Variants in WDR44 observed in about 807,000 individuals in gnomAD.
WDR44 encodes WD repeat-containing protein 44.
Under a neutral mutation model 65.7 loss-of-function variants are expected in WDR44, and 9 were observed. The ratio of observed to expected loss-of-function variants is 0.14; its 90% CI spans 0.08 to 0.24. WDR44 has a LOEUF of 0.24. Ranked by LOEUF, WDR44 falls within the 10% of genes least tolerant of loss-of-function variation. The pLI, the probability that WDR44 is intolerant of heterozygous loss-of-function variation, is 1.00. For missense variants in WDR44, 425 were observed against 670.9 expected, an observed-to-expected ratio of 0.63 and a Z score of 4.05; for synonymous variants, 220 against 235.2, an observed-to-expected ratio of 0.94 and a Z score of 0.59.
In WDR44 at chrX:118,389,213, T is replaced by A. The variant is rs2056796988; in HGVS notation, c.186+1799T>A. Among the ~76,000 whole-genome samples, 4 of 112,272 alleles carry A rather than the reference T, an allele frequency of 3.6e-5. No individual in the cohort carries two copies. In the South Asian group the frequency reaches 1.1e-3, roughly 31 times the overall value. ...ACTAATGATAAAGGCTATGGGGATA[T>A]ACCCTGGACGAGGGCATACTCTGCT... On this transcript the variant is annotated intron_variant, in intron 3 of 19. Coordinates refer to ENST00000254029, the MANE Select transcript of WDR44 (RefSeq NM_019045.5).
At chrX:118,401,735 A>C (rs2056917779) in intron 8 of WDR44, among the ~76,000 whole-genome samples, 3 of 91,419 alleles carry the variant, frequency 3.3e-5, no homozygotes, top group African/African-American at 1.4e-4. Context: ...TTAGACATGA[A>C]GTCCTTGCCC....
At chrX:118,439,495 G>A (rs957307115) in intron 14 of WDR44, among the ~76,000 whole-genome samples, 3 of 110,210 alleles carry the variant, frequency 2.7e-5, no homozygotes, top group Non-Finnish European at 5.7e-5. Flanking sequence ...AGAATTGCTT[G>A]AGCCAAGGAG....
At chrX:118,426,470 G>A (rs1238074010) in intron 12 of WDR44, among the ~76,000 whole-genome samples, 4 of 111,535 alleles carry the variant, frequency 3.6e-5, no homozygotes, top group African/African-American at 1.3e-4. Flanking sequence ...AAGAGGCCAA[G>A]GTGGGAGGAT....
chrX:118,447,172 C>CT, intron 19 of WDR44: 1 of 254,633 alleles, frequency 3.9e-6, no homozygotes. Context: ...CATACCTGGC[C>CT]TTTTTTTCTT....
chrX:118,426,223 A>C (rs1322581526), intron 12 of WDR44, among the ~76,000 whole-genome samples: 6 of 111,904 alleles, frequency 5.4e-5, no homozygotes, highest in African/African-American at 1.6e-4. Flanking sequence ...CTACTGATAA[A>C]ATTATTAGTG....
At chrX:118,421,404 T>A (rs555348088) in intron 12 of WDR44, among the ~76,000 whole-genome samples, 34 of 111,719 alleles carry the variant, frequency 3.0e-4, no homozygotes, top group African/African-American at 1.0e-3. Context: ...AAGAGATCAT[T>A]TGGGGTTTGT....
chrX:118,427,390 C>A (rs1451982063), intron 12 of WDR44, among the ~76,000 whole-genome samples: 1 of 108,644 alleles, frequency 9.2e-6, no homozygotes, highest in Non-Finnish European at 1.9e-5. Context: ...CCTGCCTCAG[C>A]CTCCCGAGTA....
chrX:118,364,297 C>T (rs960164231), intron 1 of WDR44, among the ~76,000 whole-genome samples: 16 of 111,720 alleles, frequency 1.4e-4, no homozygotes, highest in Admixed American at 1.1e-3. Flanking sequence ...TGTTTTAAAG[C>T]ACTTCTAGCT....
intron 1 of WDR44, among the ~76,000 whole-genome samples, chrX:118,353,590 T>A (rs1314733591): frequency 8.9e-6 from 1 of 112,213 alleles, no homozygotes; most frequent in Non-Finnish European, 1.9e-5. Context: ...ACATATATAA[T>A]TTAACAAAAA....
At chrX:118,438,174 C>T (rs1253507805) in intron 14 of WDR44, among the ~76,000 whole-genome samples, 1 of 111,264 alleles carries the variant, frequency 9.0e-6, no homozygotes, top group Non-Finnish European at 1.9e-5. Flanking sequence ...TGAGACCCCA[C>T]CTTTATCACA....
Position 118,436,757 on chromosome X carries a change from C to T in WDR44, c.1907C>T (p.Ser636Phe). ...AAAACAGTCAGATTATGGCACATTT[C>T]TCGAAGAGAATGCCTTTGCTGTTTT... ...MDKTVRLWHISRRECLCCFQH... is the reference protein window; with the variant it reads ...MDKTVRLWHIFRRECLCCFQH... The change falls in exon 14 of 20, where the codon TCT (serine) becomes TTT (phenylalanine). Residue 636 changes from serine (S) to phenylalanine (F), a missense_variant. By Grantham distance (155) the Ser-to-Phe change is radical (BLOSUM62 -2). Transcript: ENST00000254029. The T allele has an allele frequency of 8.3e-7, 1 of 1,198,840 alleles. No homozygotes were observed. The highest frequency in any genetic ancestry group is 1.1e-6 in the Non-Finnish European group (1 of 886,902).
Position 118,428,772 on chromosome X carries a change from A to G in WDR44, c.1738-4009A>G, listed in dbSNP as rs190658962. Among the ~76,000 whole-genome samples, 24 of 112,308 alleles carry G rather than the reference A, an allele frequency of 2.1e-4. 1 individual carries two copies. Among genetic ancestry groups the G allele is most frequent in the African/African-American group, 7.4e-4 (23 of 30,924 alleles). On this transcript the variant is annotated intron_variant, in intron 12 of 19. Coordinates refer to ENST00000254029, the MANE Select transcript of WDR44 (RefSeq NM_019045.5). ...GCAGGCATATGTTCATTGCAGCACTATTCCATATAGCAAAGACATTGAATC... is the reference window on the plus strand; with the variant it reads ...GCAGGCATATGTTCATTGCAGCACTGTTCCATATAGCAAAGACATTGAATC...
intron 12 of WDR44, among the ~76,000 whole-genome samples, chrX:118,427,643 A>T (rs1185522960): frequency 2.8e-5 from 3 of 107,181 alleles, no homozygotes; most frequent in African/African-American, 1.0e-4. Flanking sequence ...GTCTCAGTAC[A>T]TCCTCTCCAC....
chrX:118,449,581 A>G lies in WDR44; in HGVS notation c.*594A>G, dbSNP rs1378502643. On this transcript the variant is annotated 3_prime_UTR_variant, in exon 20 of 20. Transcript: ENST00000254029. Reference sequence around the variant, plus strand: ...TTGTGGGCTTAAGATTCTTTTCTTTATATGTGTACATATAATTTTTTTTTC... The same window carrying G: ...TTGTGGGCTTAAGATTCTTTTCTTTGTATGTGTACATATAATTTTTTTTTC... The G allele has an allele frequency of 1.8e-5, 2 of 110,942 alleles. No individual in the cohort carries two copies. The highest frequency in any genetic ancestry group is 5.6e-4 in the East Asian group (2 of 3,549). The allele number at this position is 110,942 out of a possible 1,213,427, so 9.1% of individuals were successfully genotyped here.
chrX:118,367,403 T>A (rs2056564185), intron 1 of WDR44, among the ~76,000 whole-genome samples: 1 of 111,569 alleles, frequency 9.0e-6, no homozygotes, highest in Admixed American at 9.6e-5. Flanking sequence ...CAGATTGATG[T>A]CATGTTGTCC....
intron 3 of WDR44, among the ~76,000 whole-genome samples, chrX:118,389,377 C>T (rs2056798475): frequency 9.0e-6 from 1 of 111,675 alleles, no homozygotes; most frequent in Non-Finnish European, 1.9e-5. Context: ...ATGAAGATGA[C>T]TTCATGGAGG....
intron 1 of WDR44, among the ~76,000 whole-genome samples, chrX:118,377,404 CTCTT>C (rs1308364130): frequency 9.0e-6 from 1 of 110,981 alleles, no homozygotes; most frequent in African/African-American, 3.3e-5. Context: ...ATGGGTATCT[CTCTT>C]CAAAATCGAT....
At chrX:118,446,060 G>A (rs1032524023) in intron 19 of WDR44, among the ~76,000 whole-genome samples, 1 of 106,639 alleles carries the variant, frequency 9.4e-6, no homozygotes, top group East Asian at 2.9e-4. Context: ...AAAAGACCAA[G>A]GTGAGCAGAT....
intron 17 of WDR44, 34 bp from the exon 18 acceptor site, chrX:118,443,526 T>C: frequency 8.3e-7 from 1 of 1,197,968 alleles, no homozygotes; most frequent in Non-Finnish European, 1.1e-6. Flanking sequence ...CACACACACA[T>C]TTTATTTGCT....
Sources: allele counts gnomAD v4.1 joint callset (sites outside exome capture counted in the v4.1 genomes callset), GRCh38; gene constraint gnomAD v4.1.1; transcripts MANE v1.5; gene names NCBI Gene and HGNC (gene_info 2026-07-23, HGNC 2026-07-21).